Variants in CALCR observed in about 807,000 individuals in gnomAD.
CALCR encodes calcitonin receptor.
CALCR carries 47 observed loss-of-function variants against 59.5 expected under a neutral mutation model. That is an observed-to-expected ratio of 0.79 (90% CI 0.63 to 1.01). CALCR has a LOEUF of 1.01. Ranked by LOEUF, CALCR falls within the 50% of genes least tolerant of loss-of-function variation. The pLI, the probability that CALCR is intolerant of heterozygous loss-of-function variation, is 0.00. For synonymous variants in CALCR, 213 were observed against 211.3 expected (o/e 1.01, Z -0.07); for missense variants, 566 against 597.1 (o/e 0.95, Z 0.54).
At chr7:93,553,407 A>C (rs533792963) in intron 2 of CALCR, among the ~76,000 whole-genome samples, 1 of 152,282 alleles carries the variant, frequency 6.6e-6, no homozygotes, top group East Asian at 1.9e-4. Flanking sequence ...GAGCAAGATC[A>C]CTTGTTACAT....
intron 2 of CALCR, among the ~76,000 whole-genome samples, chr7:93,528,940 T>C (rs1788753773): frequency 6.6e-6 from 1 of 152,234 alleles, no homozygotes; most frequent in Non-Finnish European, 1.5e-5. Flanking sequence ...GAAATCTTGG[T>C]CTTCAATTTA....
chr7:93,501,052 T>C (rs1220941711), intron 2 of CALCR, among the ~76,000 whole-genome samples: 1 of 152,012 alleles, frequency 6.6e-6, no homozygotes, highest in Non-Finnish European at 1.5e-5. Flanking sequence ...CTAGATTCCC[T>C]TGAAAAACAG....
chr7:93,556,045 A>C (rs1490900206), intron 2 of CALCR, among the ~76,000 whole-genome samples: 1 of 152,218 alleles, frequency 6.6e-6, no homozygotes, highest in Non-Finnish European at 1.5e-5. Context: ...CATCCTGCAA[A>C]GAGTTCCTAA....
chr7:93,483,484 T>C (rs912667300), intron 3 of CALCR, among the ~76,000 whole-genome samples: 1 of 143,146 alleles, frequency 7.0e-6, no homozygotes, highest in Admixed American at 7.1e-5. Context: ...TATAAACATA[T>C]AAATATATGT....
At chr7:93,469,685 C>G (rs1800514052) in intron 6 of CALCR, among the ~76,000 whole-genome samples, 1 of 151,514 alleles carries the variant, frequency 6.6e-6, no homozygotes, top group African/African-American at 2.4e-5. Context: ...TCTTTTGCAA[C>G]TAGGGATTTT....
chr7:93,572,442 A>G (rs550484109), intron 2 of CALCR, among the ~76,000 whole-genome samples: 5 of 152,254 alleles, frequency 3.3e-5, no homozygotes, highest in Admixed American at 3.3e-4. Flanking sequence ...GGTAAGGCTG[A>G]GCATCCGTAT....
At chr7:93,461,267 C>T (rs1800330302) in intron 7 of CALCR, among the ~76,000 whole-genome samples, 1 of 152,084 alleles carries the variant, frequency 6.6e-6, no homozygotes, top group Admixed American at 6.6e-5. Context: ...CTTAGATTAG[C>T]AACTATTAGG....
At chr7:93,447,192 G>T (rs1263412202) in intron 8 of CALCR, among the ~76,000 whole-genome samples, 1 of 151,886 alleles carries the variant, frequency 6.6e-6, no homozygotes, top group African/African-American at 2.4e-5. Context: ...TGCCCCAAAG[G>T]GCATTTATAA....
At chr7:93,547,897 G>A (rs1789334988) in intron 2 of CALCR, among the ~76,000 whole-genome samples, 1 of 152,086 alleles carries the variant, frequency 6.6e-6, no homozygotes, top group South Asian at 2.1e-4. Context: ...GAGCTTATGG[G>A]ACTGTGCTGA....
chr7:93,478,310 T>C (rs1232406625), intron 4 of CALCR, among the ~76,000 whole-genome samples: 1 of 151,856 alleles, frequency 6.6e-6, no homozygotes, highest in Non-Finnish European at 1.5e-5. Flanking sequence ...AAATAAGAAC[T>C]ACAAACTAAA....
At chr7:93,529,608 C>T (rs572113419) in intron 2 of CALCR, among the ~76,000 whole-genome samples, 5 of 152,000 alleles carry the variant, frequency 3.3e-5, no homozygotes, top group Non-Finnish European at 5.9e-5. Context: ...AGCCTATAGA[C>T]GTCAGATAGC....
intron 2 of CALCR, among the ~76,000 whole-genome samples, chr7:93,516,364 T>A (rs1221599699): frequency 6.6e-6 from 1 of 151,946 alleles, no homozygotes; most frequent in Non-Finnish European, 1.5e-5. Context: ...AATTCACTGC[T>A]CAGAATTTAT....
At position 93,513,850 on chromosome 7, in the gene CALCR, T is replaced by C. The variant is rs530437278; in HGVS notation, c.-26-26843A>G. The stretch of plus-strand genomic sequence containing the variant: ...ATTTACAAATAAACATATAGATATT[T>C]ATTTCATTTACAAATAAATATATAG... On this transcript the variant is annotated intron_variant, in intron 2 of 13. Coordinates refer to ENST00000426151, the MANE Select transcript of CALCR (RefSeq NM_001742.4). Among the ~76,000 whole-genome samples, 7 of 151,874 alleles carry C rather than the reference T, an allele frequency of 4.6e-5. No individual in the cohort carries two copies. In the South Asian group the frequency reaches 1.4e-3, roughly 31 times the overall value.
chr7:93,431,264 G>GTTTTTCT (rs1384625997), intron 13 of CALCR, among the ~76,000 whole-genome samples: 1 of 152,176 alleles, frequency 6.6e-6, no homozygotes, highest in Non-Finnish European at 1.5e-5. Context: ...ATTACATCAA[G>GTTTTTCT]TTTTTCTTTT....
intron 2 of CALCR, among the ~76,000 whole-genome samples, chr7:93,571,432 C>T (rs1466349369): frequency 6.6e-6 from 1 of 151,712 alleles, no homozygotes; most frequent in Non-Finnish European, 1.5e-5. Context: ...TTACCATGTA[C>T]CAGACACCTA....
chr7:93,561,065 GA>G (rs1442842383), intron 2 of CALCR, among the ~76,000 whole-genome samples: 1 of 152,024 alleles, frequency 6.6e-6, no homozygotes, highest in East Asian at 1.9e-4. Flanking sequence ...TTCCTAAAAG[GA>G]AACTGAGGCT....
At chr7:93,518,894 T>TA (rs11367806) in intron 2 of CALCR, among the ~76,000 whole-genome samples, 26 of 151,398 alleles carry the variant, frequency 1.7e-4, no homozygotes, top group Non-Finnish European at 2.8e-4. Flanking sequence ...TCTGGAATGA[T>TA]AAAAAAAAGA....
chr7:93,554,054 T>C (rs904493781), intron 2 of CALCR, among the ~76,000 whole-genome samples: 3 of 152,220 alleles, frequency 2.0e-5, no homozygotes, highest in African/African-American at 4.8e-5. Context: ...ATTTAAACTT[T>C]AACTGTAAAA....
At chr7:93,523,014 T>C (rs1801797167) in intron 2 of CALCR, among the ~76,000 whole-genome samples, 1 of 152,194 alleles carries the variant, frequency 6.6e-6, no homozygotes, top group Non-Finnish European at 1.5e-5. Flanking sequence ...AAAGTTAATG[T>C]TTTAAATTAG....
Sources: allele counts gnomAD v4.1 joint callset (sites outside exome capture counted in the v4.1 genomes callset), GRCh38; gene constraint gnomAD v4.1.1; transcripts MANE v1.5; gene names NCBI Gene and HGNC (gene_info 2026-07-23, HGNC 2026-07-21).